The following INPP4B variants were observed in gnomAD, a reference collection of about 807,000 sequenced individuals.
INPP4B encodes inositol polyphosphate 4-phosphatase type II.
In INPP4B, 55 loss-of-function variants were observed where a neutral mutation model predicts 122.5. The ratio of observed to expected loss-of-function variants is 0.45; its 90% CI spans 0.36 to 0.56. The LOEUF (loss-of-function observed/expected upper bound fraction) is 0.56, where lower values mean the gene tolerates loss of function less well. Ranked by LOEUF, INPP4B falls within the 20% of genes least tolerant of loss-of-function variation. INPP4B has a pLI of 0.00. For missense variants in INPP4B, 1,000 were observed against 1,097.7 expected, an observed-to-expected ratio of 0.91 and a Z score of 1.26; for synonymous variants, 403 against 388.7, an observed-to-expected ratio of 1.04 and a Z score of -0.43.
chr4:142,170,609 C>T (rs1040194832), intron 16 of INPP4B, among the ~76,000 whole-genome samples: 1 of 151,624 alleles, frequency 6.6e-6, no homozygotes, highest in Non-Finnish European at 1.5e-5. Context: ...ATTAGGAAGA[C>T]TACATGTTAA....
intron 2 of INPP4B, among the ~76,000 whole-genome samples, chr4:142,621,733 C>A (rs1466158160): frequency 6.6e-6 from 1 of 151,350 alleles, no homozygotes; most frequent in Non-Finnish European, 1.5e-5. Flanking sequence ...ATCACATATT[C>A]TATGTACATA....
intron 1 of INPP4B, among the ~76,000 whole-genome samples, chr4:142,736,985 T>C (rs1767022220): frequency 6.6e-6 from 1 of 152,108 alleles, no homozygotes; most frequent in Non-Finnish European, 1.5e-5. Context: ...TGGAAGAACA[T>C]TCCATGCTCA....
At chr4:142,226,767 A>C (rs981453274) in intron 12 of INPP4B, among the ~76,000 whole-genome samples, 1 of 152,204 alleles carries the variant, frequency 6.6e-6, no homozygotes, top group Non-Finnish European at 1.5e-5. Context: ...ATAAAAATTA[A>C]ATGGGCTTGG....
intron 2 of INPP4B, among the ~76,000 whole-genome samples, chr4:142,645,761 T>C (rs1181728039): frequency 6.6e-6 from 1 of 152,224 alleles, no homozygotes; most frequent in African/African-American, 2.4e-5. Context: ...AAACTCTATC[T>C]ATAAGCCACT....
intron 2 of INPP4B, among the ~76,000 whole-genome samples, chr4:142,690,746 A>T (rs183651385): frequency 1.6e-3 from 242 of 152,142 alleles, no homozygotes; most frequent in Admixed American, 4.8e-3. Flanking sequence ...AATGACTCCC[A>T]ATACCCACTT....
At chr4:142,834,203 T>G (rs1394155187) in intron 1 of INPP4B, among the ~76,000 whole-genome samples, 2 of 152,120 alleles carry the variant, frequency 1.3e-5, no homozygotes, top group South Asian at 2.1e-4. Flanking sequence ...GAATAAATTA[T>G]GAATAAATAA....
intron 12 of INPP4B, among the ~76,000 whole-genome samples, chr4:142,209,861 G>T (rs918363469): frequency 2.1e-5 from 3 of 145,418 alleles, no homozygotes; most frequent in Admixed American, 7.0e-5. Flanking sequence ...TGGTTTTATT[G>T]GCTTCAGTTT....
At chr4:142,056,209 G>C (rs1008811319) in intron 25 of INPP4B, among the ~76,000 whole-genome samples, 1 of 152,032 alleles carries the variant, frequency 6.6e-6, no homozygotes, top group Non-Finnish European at 1.5e-5. Context: ...TTCTTAACAG[G>C]CCACAGACCT....
chr4:142,076,790 A>G (rs1770984598), intron 25 of INPP4B, among the ~76,000 whole-genome samples: 1 of 152,132 alleles, frequency 6.6e-6, no homozygotes. Flanking sequence ...ACCTATGCTT[A>G]CAATGCTTAT....
At chr4:142,352,597 A>T (rs1002799908) in intron 7 of INPP4B, among the ~76,000 whole-genome samples, 1 of 151,894 alleles carries the variant, frequency 6.6e-6, no homozygotes, top group African/African-American at 2.4e-5. Flanking sequence ...ATATAATAGG[A>T]TCATACTTCA....
chr4:142,522,169 T>C (rs1826169502), intron 2 of INPP4B, among the ~76,000 whole-genome samples: 1 of 152,124 alleles, frequency 6.6e-6, no homozygotes, highest in South Asian at 2.1e-4. Flanking sequence ...TTTGTTGCAT[T>C]TTTAAAGGTT....
intron 2 of INPP4B, chr4:142,474,318 G>C (rs971892538): frequency 2.0e-5 from 3 of 152,262 alleles, no homozygotes; most frequent in African/African-American, 7.2e-5. Context: ...TCAGACAGCA[G>C]GGTAAGTGAC....
At position 142,414,300 on chromosome 4, in the gene INPP4B, T is replaced by TA. The variant is rs539004311; in HGVS notation, c.137-8977dup. Among the ~76,000 whole-genome samples, 574 of 148,056 alleles carry TA rather than the reference T, an allele frequency of 3.9e-3. 1 individual carries two copies. The highest frequency in any genetic ancestry group is 4.9e-3 in the Admixed American group (72 of 14,824). ...AATAGAAATGTGCTGGGCTTTTAAA[T>TA]AAAAAAAAAATGGATGAGAAGATAA... On this transcript the variant is annotated intron_variant, in intron 5 of 25. Coordinates refer to ENST00000262992, the MANE Select transcript of INPP4B (RefSeq NM_001101669.3).
At chr4:142,361,791 C>T (rs917030000) in intron 7 of INPP4B, among the ~76,000 whole-genome samples, 2 of 151,592 alleles carry the variant, frequency 1.3e-5, no homozygotes, top group African/African-American at 2.4e-5. Context: ...TTTATTATCA[C>T]AATATTATAT....
chr4:142,601,581 CAAA>C (rs200657551), intron 2 of INPP4B, among the ~76,000 whole-genome samples: 17 of 93,868 alleles, frequency 1.8e-4, no homozygotes, highest in East Asian at 3.3e-4. Context: ...ACTCCTATGT[CAAA>C]AAAAAAAAAA....
At chr4:142,128,004 G>T (rs754356333) in intron 18 of INPP4B, among the ~76,000 whole-genome samples, 3 of 151,936 alleles carry the variant, frequency 2.0e-5, no homozygotes, top group Non-Finnish European at 4.4e-5. Context: ...TCTCACAAAG[G>T]AAAAATAAAT....
intron 1 of INPP4B, among the ~76,000 whole-genome samples, chr4:142,797,097 C>A (rs1216343055): frequency 2.0e-5 from 3 of 151,858 alleles, no homozygotes. Context: ...AAAATGCTAG[C>A]ATTTATTTAG....
At chr4:142,314,659 T>A in intron 8 of INPP4B, 53 bp downstream of exon 8, 1 of 1,523,528 alleles carries the variant, frequency 6.6e-7, no homozygotes, top group Non-Finnish European at 8.9e-7. Flanking sequence ...AAAATCCAAA[T>A]GATTAATTTA....
chr4:142,219,032 A>C (rs2149675853), intron 12 of INPP4B, among the ~76,000 whole-genome samples: 1 of 152,284 alleles, frequency 6.6e-6, no homozygotes, highest in Admixed American at 6.5e-5. Flanking sequence ...TCCATAAATC[A>C]CGGGCCTATT....
Sources: gnomAD v4.1 joint callset for allele counts (sites outside exome capture counted in the v4.1 genomes callset) on GRCh38, gnomAD v4.1.1 for gene constraint, MANE v1.5 for transcripts, NCBI Gene and HGNC (gene_info 2026-07-23, HGNC 2026-07-21) for gene names.